PLAC1: variants seen among roughly 807,000 people sequenced by gnomAD.
PLAC1 encodes the protein placenta-specific protein 1.
For missense variants in PLAC1, 136 were observed against 163.2 expected, an observed-to-expected ratio of 0.83 and a Z score of 0.91; for synonymous variants, 68 against 62.1, an observed-to-expected ratio of 1.09 and a Z score of -0.44.
chrX:134,568,395 G>A (rs1379797038), intron 2 of PLAC1, among the ~76,000 whole-genome samples: 2 of 112,618 alleles, frequency 1.8e-5, no homozygotes, highest in Non-Finnish European at 3.7e-5. Flanking sequence ...CGAATTTGCT[G>A]CATTGTTTAA....
At chrX:134,673,296 G>A (rs1438585729) in intron 2 of PLAC1, among the ~76,000 whole-genome samples, 1 of 100,383 alleles carries the variant, frequency 1.0e-5, no homozygotes, top group African/African-American at 3.7e-5. Flanking sequence ...AAGAAGGAAG[G>A]AAGGAGGGAG....
At chrX:134,592,115 A>C (rs2078041594) in intron 2 of PLAC1, among the ~76,000 whole-genome samples, 1 of 111,828 alleles carries the variant, frequency 8.9e-6, no homozygotes, top group African/African-American at 3.3e-5. Context: ...ATCTTCTTTC[A>C]CAGAGCAAAT....
chrX:134,586,942 C>T (rs747133718), intron 2 of PLAC1, among the ~76,000 whole-genome samples: 161 of 107,644 alleles, frequency 1.5e-3, no homozygotes, highest in Non-Finnish European at 2.2e-3. Context: ...AGTGACCTGC[C>T]CGCCTTAAGC....
chrX:134,622,203 A>G (rs1472383004), intron 1 of PLAC1, among the ~76,000 whole-genome samples: 2 of 111,928 alleles, frequency 1.8e-5, no homozygotes, highest in Middle Eastern at 4.6e-3. Flanking sequence ...TTGTTTAGAA[A>G]AAAGAAAGGA....
chrX:134,614,558 C>A (rs898892265), intron 1 of PLAC1, among the ~76,000 whole-genome samples: 3 of 110,925 alleles, frequency 2.7e-5, no homozygotes, highest in African/African-American at 9.9e-5. Context: ...GGCAGGATCA[C>A]CCTCTCTTCT....
intron 1 of PLAC1, among the ~76,000 whole-genome samples, chrX:134,603,082 T>C (rs1476837116): frequency 1.9e-5 from 2 of 103,287 alleles, no homozygotes; most frequent in African/African-American, 7.0e-5. Context: ...TAACAGGAGT[T>C]AATAGATAAT....
At chrX:134,714,714 G>C (rs187291784) in intron 2 of PLAC1, among the ~76,000 whole-genome samples, 1 of 111,124 alleles carries the variant, frequency 9.0e-6, no homozygotes, top group Non-Finnish European at 1.9e-5. Context: ...AACCATCCTA[G>C]AAACTTCATG....
At position 134,630,204 on chromosome X, in the gene PLAC1, C is replaced by T. The variant is rs990466404; in HGVS notation, c.-130-28082G>A. The stretch of plus-strand genomic sequence containing the variant: ...CAGGCTGGTCTCAAACTCCCGACCT[C>T]GGGTGATCTGCCCCCCTCGGCCTCC... On this transcript the variant is annotated intron_variant, in intron 1 of 2. Transcript: ENST00000359237. 6.3e-5 allele frequency among the ~76,000 whole-genome samples: 7 copies of T among 111,311 alleles called. No homozygotes were observed. The East Asian group carries it at 8.4e-4, about 13-fold the overall frequency.
chrX:134,566,817 A>G, intron 2 of PLAC1, 77 bp from the exon 3 acceptor site: 3 of 490,403 alleles, frequency 6.1e-6, no homozygotes, highest in South Asian at 7.8e-5. Context: ...TTTTTTAAGC[A>G]AAGGGCTGTT....
At chrX:134,730,885 T>TG (rs2078687066) in intron 2 of PLAC1, among the ~76,000 whole-genome samples, 2 of 111,181 alleles carry the variant, frequency 1.8e-5, no homozygotes, top group Middle Eastern at 4.7e-3. Flanking sequence ...GAAACGGCAA[T>TG]GGGGGAAGTG....
At chrX:134,589,166 T>C (rs973771879) in intron 2 of PLAC1, among the ~76,000 whole-genome samples, 8 of 111,153 alleles carry the variant, frequency 7.2e-5, no homozygotes, top group Admixed American at 5.7e-4. Flanking sequence ...AGGAAGAATA[T>C]TGGGGTCCTA....
intron 2 of PLAC1, among the ~76,000 whole-genome samples, chrX:134,673,803 C>T (rs1167293843): frequency 8.9e-6 from 1 of 111,996 alleles, no homozygotes; most frequent in Non-Finnish European, 1.9e-5. Context: ...GAATGAGAGC[C>T]CAAAAAGCTT....
intron 2 of PLAC1, among the ~76,000 whole-genome samples, chrX:134,669,081 T>A (rs1355386630): frequency 8.9e-6 from 1 of 112,037 alleles, no homozygotes; most frequent in Non-Finnish European, 1.9e-5. Flanking sequence ...TGAATACCCA[T>A]CCACAAGGGC....
intron 2 of PLAC1, among the ~76,000 whole-genome samples, chrX:134,692,451 G>A (rs984030748): frequency 8.9e-6 from 1 of 111,794 alleles, no homozygotes; most frequent in Non-Finnish European, 1.9e-5. Flanking sequence ...ACACTAGTTA[G>A]CCCAGCCAGC....
intron 1 of PLAC1, among the ~76,000 whole-genome samples, chrX:134,604,835 C>T (rs1234691379): frequency 9.0e-6 from 1 of 111,377 alleles, no homozygotes; most frequent in Non-Finnish European, 1.9e-5. Context: ...CAACACTGCC[C>T]TTTGTAAGCT....
rs370489015 is a variant in PLAC1 at position 134,655,005 on chromosome X, T to C, written c.-131+3323A>G. Among the ~76,000 whole-genome samples the C allele has an allele frequency of 2.7e-5, 3 of 111,680 alleles. No homozygotes were observed. The East Asian group carries it at 8.5e-4, about 31-fold the overall frequency. ...CAAAAAGATGCATAGCATGAACCTA[T>C]CTATTTATTAACAGAATTTACAAAC... On this transcript the variant is annotated intron_variant, in intron 1 of 2. Transcript: ENST00000359237.
chrX:134,589,796 A>G (rs780166376), intron 2 of PLAC1, among the ~76,000 whole-genome samples: 1 of 110,404 alleles, frequency 9.1e-6, no homozygotes, highest in Admixed American at 9.7e-5. Flanking sequence ...TCCTATCATT[A>G]GTCCATGTAG....
intron 1 of PLAC1, among the ~76,000 whole-genome samples, chrX:134,622,839 A>G (rs1439401657): frequency 8.9e-6 from 1 of 112,018 alleles, no homozygotes; most frequent in African/African-American, 3.2e-5. Context: ...CTGGTGGTCT[A>G]TGAAACAATC....
At chrX:134,628,388 G>T (rs1054210660) in intron 1 of PLAC1, among the ~76,000 whole-genome samples, 1 of 111,983 alleles carries the variant, frequency 8.9e-6, no homozygotes, top group Admixed American at 9.5e-5. Context: ...ACCTTCAGGA[G>T]TTTCTCTATA....
Sources: allele counts gnomAD v4.1 joint callset (sites outside exome capture counted in the v4.1 genomes callset), GRCh38; gene constraint gnomAD v4.1.1; transcripts MANE v1.5; gene names NCBI Gene and HGNC (gene_info 2026-07-23, HGNC 2026-07-21).